Variants in MSN observed in about 807,000 individuals in gnomAD.
The protein encoded by MSN is epididymis luminal protein 70.
Under a neutral mutation model 48.0 loss-of-function variants are expected in MSN, and 2 were observed. The ratio of observed to expected loss-of-function variants is 0.04; its 90% confidence interval spans 0.02 to 0.13. The LOEUF (loss-of-function observed/expected upper bound fraction) is 0.13. Among genes scored for constraint, MSN ranks in the 10% least tolerant of loss-of-function variants. MSN has a pLI of 1.00. For missense variants in MSN, 267 were observed against 470.1 expected, an observed-to-expected ratio of 0.57 and a Z score of 3.99; for synonymous variants, 146 against 166.9, an observed-to-expected ratio of 0.87 and a Z score of 0.97.
chrX:65,692,413 G>A (rs758805091), intron 1 of MSN, among the ~76,000 whole-genome samples: 19 of 112,533 alleles, frequency 1.7e-4, no homozygotes, highest in Non-Finnish European at 1.3e-4. Flanking sequence ...AAGGGAGTAG[G>A]CTGCTATGTA....
At chrX:65,663,893 C>T (rs2070844568), upstream of MSN, among the ~76,000 whole-genome samples, 1 of 109,168 alleles carries the variant, frequency 9.2e-6, no homozygotes, top group Admixed American at 9.9e-5. Context: ...CCCGTCTCTA[C>T]TAAAAATACA....
At chrX:65,623,358 T>A (rs1454603786) in intron 1 of MSN, among the ~76,000 whole-genome samples, 7 of 97,186 alleles carry the variant, frequency 7.2e-5, no homozygotes, top group African/African-American at 1.1e-4. Flanking sequence ...TTCTTTTTTT[T>A]CTTTCTTTTC....
At chrX:65,669,260 A>C (rs761994751) in intron 1 of MSN, among the ~76,000 whole-genome samples, 2 of 111,021 alleles carry the variant, frequency 1.8e-5, no homozygotes, top group Non-Finnish European at 3.8e-5. Flanking sequence ...ATTGTCTGCC[A>C]AAACAAGATT....
intron 1 of MSN, chrX:65,625,218 C>A (rs1019757360): frequency 8.9e-6 from 1 of 112,390 alleles, no homozygotes; most frequent in Non-Finnish European, 1.9e-5. Context: ...GAGAATGTTT[C>A]ATTTGCACTT....
chrX:65,700,045 G>T (rs1363722921), intron 1 of MSN, among the ~76,000 whole-genome samples: 1 of 111,859 alleles, frequency 8.9e-6, no homozygotes, highest in Non-Finnish European at 1.9e-5. Context: ...AGAGCACTGT[G>T]CGCATGGGGC....
At chrX:65,636,560 C>A (rs1174927911) in intron 1 of MSN, among the ~76,000 whole-genome samples, 2 of 107,863 alleles carry the variant, frequency 1.9e-5, no homozygotes, top group Non-Finnish European at 3.8e-5. Context: ...GCCAGGGCAA[C>A]ATGGTGAAAT....
Position 65,739,981 on chromosome X carries a change from A to AG in MSN, c.*89dup. On this transcript the variant is annotated 3_prime_UTR_variant, in exon 13 of 13. Transcript: ENST00000360270. The stretch of plus-strand genomic sequence containing the variant: ...ACTCACCTAACTCATACTGTGCTGG[A>AG]GCCACTAACTAGAGCAGCCCTGGAG... 7 of 1,012,284 alleles carry AG rather than the reference A, an allele frequency of 6.9e-6. No individual in the cohort carries two copies. The highest frequency in any genetic ancestry group is 9.4e-6 in the Non-Finnish European group (7 of 745,552). The allele number at this position is 1,012,284 out of a possible 1,213,427, so 83.4% of individuals were successfully genotyped here. A position where few individuals can be genotyped will look rare whatever the true frequency, so the allele number is the denominator to read the frequency against.
At chrX:65,695,507 CAAAAAA>C (rs759652563) in intron 1 of MSN, among the ~76,000 whole-genome samples, 2 of 12,963 alleles carry the variant, frequency 1.5e-4, no homozygotes, top group African/African-American at 3.3e-4. Flanking sequence ...AACTCTGTCT[CAAAAAA>C]AAAAAAAAAA....
intron 1 of MSN, among the ~76,000 whole-genome samples, chrX:65,647,212 CT>C (rs764965063): frequency 0.012 from 1,164 of 96,509 alleles, 13 homozygotes; most frequent in African/African-American, 0.037. Flanking sequence ...TGCTCTATCT[CT>C]TTTTTTTTTT....
Position 65,739,148 on chromosome X carries a change from G to A in MSN, c.1523G>A (p.Arg508His), listed in dbSNP as rs1465848452. The change falls in exon 12 of 13, where the codon CGT becomes CAT. Residue 508 changes from arginine to histidine, a missense_variant. Arg to His is a conservative substitution (Grantham distance 29). This residue lies in a region of MSN where 48 missense variants were observed against 115.5 expected (regional missense o/e 0.42). Transcript: ENST00000360270. ...AMAKDRSEEE[R>H]TTEAEKNERV... ...GCCAAGGACCGCAGTGAGGAGGAAC[G>A]TACCACTGAGGCAGAGAAGAATGAG... The A allele has an allele frequency of 8.3e-7, 1 of 1,211,550 alleles. No individual in the cohort carries two copies.
chrX:65,605,710 C>T (rs1037252762), intron 1 of MSN, among the ~76,000 whole-genome samples: 31 of 110,997 alleles, frequency 2.8e-4, no homozygotes, highest in African/African-American at 9.8e-4. Flanking sequence ...GTGATTCAGC[C>T]ACTCTGATCA....
intron 1 of MSN, among the ~76,000 whole-genome samples, chrX:65,632,450 C>T (rs1157752888): frequency 6.2e-5 from 7 of 112,374 alleles, no homozygotes; most frequent in African/African-American, 2.3e-4. Flanking sequence ...ATGAAATAGA[C>T]TAAGACATAC....
chrX:65,661,815 T>C (rs901584290), intron 1 of MSN, among the ~76,000 whole-genome samples: 3 of 111,602 alleles, frequency 2.7e-5, no homozygotes, highest in Non-Finnish European at 5.7e-5. Flanking sequence ...AGGTCAGGAG[T>C]TCCAGACCTG....
At chrX:65,697,961 A>G (rs913137035) in intron 1 of MSN, among the ~76,000 whole-genome samples, 5 of 112,035 alleles carry the variant, frequency 4.5e-5, no homozygotes, top group African/African-American at 1.6e-4. Context: ...CAGTCTGGTC[A>G]GACAGAAAAC....
chrX:65,715,273 T>C (rs897384084), intron 1 of MSN, among the ~76,000 whole-genome samples: 7 of 112,053 alleles, frequency 6.2e-5, no homozygotes, highest in African/African-American at 9.8e-5. Flanking sequence ...AGCTTTGTTC[T>C]TTTTGCTTAG....
chrX:65,735,565 T>G (rs1602871149), intron 8 of MSN, 135 bp downstream of exon 8: 1 of 778,830 alleles, frequency 1.3e-6, no homozygotes, highest in East Asian at 3.5e-5. Context: ...ATATTCACAT[T>G]TATTCAGAAA....
chrX:65,728,986 T>C (rs2071596075), intron 3 of MSN, among the ~76,000 whole-genome samples: 1 of 112,008 alleles, frequency 8.9e-6, no homozygotes, highest in Non-Finnish European at 1.9e-5. Context: ...GTGGAGCCAC[T>C]AGTATTCCAT....
intron 1 of MSN, among the ~76,000 whole-genome samples, chrX:65,620,529 C>A (rs951557492): frequency 8.8e-6 from 1 of 113,646 alleles, no homozygotes; most frequent in Non-Finnish European, 1.9e-5. Context: ...TGACCCCTTG[C>A]GCTTCCCAAG....
chrX:65,709,040 C>T lies in MSN; in HGVS notation c.13-7778C>T, dbSNP rs188621561. Among the ~76,000 whole-genome samples the T allele has an allele frequency of 2.3e-3, 263 of 112,328 alleles. 1 individual carries two copies. The highest frequency in any genetic ancestry group is 7.6e-3 in the African/African-American group (235 of 30,952). On this transcript the variant is annotated intron_variant, in intron 1 of 12. Transcript: ENST00000360270. Reference sequence around the variant, plus strand: ...CATTATGTATATATGCCACATTTTCCTTATCCATTCATCTGGTTTTGGACA... The same window carrying T: ...CATTATGTATATATGCCACATTTTCTTTATCCATTCATCTGGTTTTGGACA...
Sources: allele counts gnomAD v4.1 joint callset (sites outside exome capture counted in the v4.1 genomes callset), GRCh38; gene constraint gnomAD v4.1.1; regional missense constraint gnomAD v4.1.1; transcripts MANE v1.5; gene names NCBI Gene and HGNC (gene_info 2026-07-23, HGNC 2026-07-21).